RBM26: variants seen among roughly 807,000 people sequenced by gnomAD.
The protein encoded by RBM26 is RNA-binding protein 26.
In RBM26, 30 loss-of-function variants were observed where a neutral mutation model predicts 123.6. The observed-to-expected ratio is 0.24, with a 90% CI of 0.18 to 0.33. The LOEUF (loss-of-function observed/expected upper bound fraction) is 0.33, where lower values mean the gene tolerates loss of function less well. RBM26 is among the 10% of genes least tolerant of loss of function. The pLI, the probability that RBM26 is intolerant of heterozygous loss-of-function variation, is 1.00. For synonymous variants in RBM26, 400 were observed against 404.4 expected (o/e 0.99, Z 0.13); for missense variants, 947 against 1,203.6 (o/e 0.79, Z 3.15).
rs757489904 is a variant in RBM26 at position 79,337,085 on chromosome 13, G to T, written c.2733+17C>A. The T allele has an allele frequency of 6.2e-7, 1 of 1,603,390 alleles. No individual in the cohort carries two copies. The highest frequency in any genetic ancestry group is 1.1e-5 in the South Asian group (1 of 90,450). On this transcript the variant is annotated intron_variant, in intron 19 of 21. Transcript: ENST00000438737. ...GATGATTATCAGCATTTGTTTTGTTGAGCAGTAAGAAAGTACCGCAAAATG... is the reference window on the plus strand; with the variant it reads ...GATGATTATCAGCATTTGTTTTGTTTAGCAGTAAGAAAGTACCGCAAAATG...
rs1383740294 is a variant in RBM26, at chr13:79,337,191, C to T, written c.2644G>A (p.Gly882Ser). The T allele has an allele frequency of 6.2e-7, 1 of 1,614,148 alleles. No individual in the cohort carries two copies. The highest frequency in any genetic ancestry group is 8.5e-7 in the Non-Finnish European group (1 of 1,180,020). ...GGACGGTGATCCACCACAGCATGACCAGGCACACCTCGCCCTCGCCCTCGC... is the reference window on the plus strand; with the variant it reads ...GGACGGTGATCCACCACAGCATGACTAGGCACACCTCGCCCTCGCCCTCGC... Reference protein sequence around the residue: ...RGRGRGRGVPGHAVVDHRPRA... With the variant: ...RGRGRGRGVPSHAVVDHRPRA... Residue 882 changes from glycine (G) to serine (S), a missense_variant, in exon 19 of 22, where the codon GGT becomes AGT. Coordinates refer to ENST00000438737, the MANE Select transcript of RBM26 (RefSeq NM_001366735.2).
At chr13:79,351,927 C>G (rs2073301414) in intron 14 of RBM26, among the ~76,000 whole-genome samples, 1 of 151,972 alleles carries the variant, frequency 6.6e-6, no homozygotes, top group Non-Finnish European at 1.5e-5. Flanking sequence ...CTGAAGGTGG[C>G]AGAAAAAGAA....
intron 1 of RBM26, among the ~76,000 whole-genome samples, chr13:79,386,471 C>T (rs995402423): frequency 1.2e-4 from 18 of 146,456 alleles, no homozygotes; most frequent in African/African-American, 4.5e-4. Context: ...AGTCAGATAA[C>T]AAAACCAAAG....
chr13:79,347,465 TG>T (rs2072528404), intron 14 of RBM26, among the ~76,000 whole-genome samples: 1 of 152,150 alleles, frequency 6.6e-6, no homozygotes, highest in African/African-American at 2.4e-5. Flanking sequence ...AAGAGACACA[TG>T]TATTTTCAAA....
intron 1 of RBM26, among the ~76,000 whole-genome samples, chr13:79,393,401 A>G (rs75833736): frequency 6.6e-6 from 1 of 152,234 alleles, no homozygotes; most frequent in African/African-American, 2.4e-5. Context: ...ATTTTAATAA[A>G]CATTCACTCC....
chr13:79,386,591 TAAAA>T (rs398023598), intron 1 of RBM26, among the ~76,000 whole-genome samples: 3 of 92,824 alleles, frequency 3.2e-5, no homozygotes, highest in Admixed American at 1.6e-4. Flanking sequence ...ACTCTCTCTT[TAAAA>T]AAAAAAAAAA....
At chr13:79,360,269 A>G (rs2074521222) in intron 9 of RBM26, among the ~76,000 whole-genome samples, 1 of 152,138 alleles carries the variant, frequency 6.6e-6, no homozygotes, top group African/African-American at 2.4e-5. Flanking sequence ...TTTACACACG[A>G]GGAGTCTTGG....
At chr13:79,385,585 T>C (rs1164789660) in intron 1 of RBM26, among the ~76,000 whole-genome samples, 8 of 152,196 alleles carry the variant, frequency 5.3e-5, no homozygotes, top group Non-Finnish European at 8.8e-5. Context: ...GAGCCCTCTA[T>C]GCTTTAAAAA....
intron 12 of RBM26, 143 bp downstream of exon 12, chr13:79,355,077 T>C (rs2073812983): frequency 1.4e-6 from 1 of 698,302 alleles, no homozygotes; most frequent in African/African-American, 1.8e-5. Flanking sequence ...AGTAAATTTT[T>C]CAAGTCTTTA....
chr13:79,377,556 T>A, intron 2 of RBM26, 41 bp from the exon 3 acceptor site: 2 of 1,440,210 alleles, frequency 1.4e-6, no homozygotes, highest in Non-Finnish European at 1.9e-6. Flanking sequence ...AACACATTTG[T>A]TAAGATTAAT....
rs1280117390 is a variant in RBM26, at chr13:79,371,935, TTAA to T, written c.328-8_328-6del. ...TCGCTCTTCCTCCTTAGTGATCTGA[TTAA>T]AAAAAAAAAAAAAAGTGTACAAGTT... On this transcript the variant is annotated splice_polypyrimidine_tract_variant and splice_region_variant and intron_variant, in intron 3 of 21. Transcript: ENST00000438737. 6.7e-7 allele frequency: 1 copy of T among 1,490,924 alleles called. No individual in the cohort carries two copies. Among genetic ancestry groups the T allele is most frequent in the Admixed American group, 2.1e-5 (1 of 46,704 alleles). 92.4% of individuals were successfully genotyped at this position (1,490,924 alleles called of 1,614,324 possible).
At chr13:79,368,205 T>C (rs2075534298) in intron 6 of RBM26, among the ~76,000 whole-genome samples, 1 of 152,096 alleles carries the variant, frequency 6.6e-6, no homozygotes, top group Admixed American at 6.5e-5. Flanking sequence ...GTTGTATTTT[T>C]AGTAGAGACG....
chr13:79,369,259 A>G lies in RBM26; in HGVS notation c.635-269T>C, dbSNP rs970418271. 8.5e-5 allele frequency among the ~76,000 whole-genome samples: 13 copies of G among 152,188 alleles called. 1 individual carries two copies. In the South Asian group the frequency reaches 2.7e-3, roughly 31 times the overall value. On this transcript the variant is annotated intron_variant, in intron 5 of 21. Coordinates refer to ENST00000438737, the MANE Select transcript of RBM26 (RefSeq NM_001366735.2). ...TTTGTTTATAGAAAAAAGGAATTTT[A>G]TATTTTCTTCATCACAATCTTGGTA...
intron 1 of RBM26, among the ~76,000 whole-genome samples, chr13:79,379,839 G>A (rs1404517954): frequency 6.6e-6 from 1 of 151,782 alleles, no homozygotes; most frequent in Admixed American, 6.6e-5. Context: ...CAAAGGATAT[G>A]AATAGATGCT....
In RBM26 at chr13:79,405,911, G is replaced by C; in HGVS notation, c.-137C>G. Reference sequence around the variant, plus strand: ...GGAGGCGCCGGTGGCAGGTTCCCGCGGGCCCCGGTCGGCGAACAGCTCTGC... The same window carrying C: ...GGAGGCGCCGGTGGCAGGTTCCCGCCGGCCCCGGTCGGCGAACAGCTCTGC... On this transcript the variant is annotated 5_prime_UTR_variant, in exon 1 of 22. Transcript: ENST00000438737. 7.7e-6 allele frequency: 3 copies of C among 391,118 alleles called. No homozygotes were observed. The highest frequency in any genetic ancestry group is 1.3e-5 in the Non-Finnish European group (3 of 229,888). 24.2% of individuals were successfully genotyped at this position (391,118 alleles called of 1,614,324 possible).
intron 17 of RBM26, among the ~76,000 whole-genome samples, 167 bp downstream of exon 17, chr13:79,342,497 A>G (rs1205807827): frequency 6.6e-6 from 1 of 151,874 alleles, no homozygotes; most frequent in Non-Finnish European, 1.5e-5. Context: ...AAAGATTAGT[A>G]GAGTTTACTT....
Position 79,365,832 on chromosome 13 carries a change from T to C in RBM26, c.1277-114A>G, listed in dbSNP as rs555797286. 7.4e-5 allele frequency: 72 copies of C among 978,446 alleles called. 1 individual carries two copies. The East Asian group carries it at 1.9e-3, about 25-fold the overall frequency. 60.6% of individuals were successfully genotyped at this position (978,446 alleles called of 1,614,324 possible). ...TAACATATTAACATATAACATGCTC[T>C]ATATGTATCAAAAAGAAAATAACTT... On this transcript the variant is annotated intron_variant, in intron 8 of 21. Transcript: ENST00000438737.
Position 79,405,989 on chromosome 13 carries a change from G to A in RBM26, c.-215C>T. ...GGGGTGCCAGGAGCTCCCCGTCCCCGGCCCCCAGCCCGGGCTGAAACAGCA... is the reference window on the plus strand; with the variant it reads ...GGGGTGCCAGGAGCTCCCCGTCCCCAGCCCCCAGCCCGGGCTGAAACAGCA... On this transcript the variant is annotated 5_prime_UTR_variant, in exon 1 of 22. Coordinates refer to ENST00000438737, the MANE Select transcript of RBM26 (RefSeq NM_001366735.2). 3.4e-6 allele frequency: 1 copy of A among 293,426 alleles called. No homozygotes were observed. The highest frequency in any genetic ancestry group is 1.9e-4 in the South Asian group (1 of 5,354). 18.2% of individuals were successfully genotyped at this position (293,426 alleles called of 1,614,324 possible). A position where few individuals can be genotyped will look rare whatever the true frequency, so the allele number is the denominator to read the frequency against.
At chr13:79,395,329 G>T (rs2140461062) in intron 1 of RBM26, among the ~76,000 whole-genome samples, 1 of 152,190 alleles carries the variant, frequency 6.6e-6, no homozygotes, top group Admixed American at 6.5e-5. Flanking sequence ...GGAGAGGTGG[G>T]GAACTTCAGT....
Sources: allele counts gnomAD v4.1 joint callset (sites outside exome capture counted in the v4.1 genomes callset), GRCh38; gene constraint gnomAD v4.1.1; transcripts MANE v1.5; gene names NCBI Gene and HGNC (gene_info 2026-07-23, HGNC 2026-07-21).